AKNA: variants seen among roughly 807,000 people sequenced by gnomAD.
The protein encoded by AKNA is microtubule organization protein AKNA.
Under a neutral mutation model 138.8 loss-of-function variants are expected in AKNA, and 67 were observed. That is an observed-to-expected ratio of 0.48 (90% confidence interval 0.40 to 0.59). The LOEUF (loss-of-function observed/expected upper bound fraction) is 0.59. Ranked by LOEUF, AKNA falls within the 20% of genes least tolerant of loss-of-function variation. The probability of loss-of-function intolerance (pLI) is 0.00; values close to 1 mark genes in which losing one functional copy is unlikely to be tolerated. For synonymous variants in AKNA, 737 were observed against 754.4 expected, an observed-to-expected ratio of 0.98 and a Z score of 0.38; for missense variants, 1,813 against 1,880.4, an observed-to-expected ratio of 0.96 and a Z score of 0.66.
intron 2 of AKNA, among the ~76,000 whole-genome samples, chr9:114,378,417 T>C (rs922892319): frequency 3.9e-5 from 6 of 152,216 alleles, no homozygotes; most frequent in African/African-American, 1.4e-4. Context: ...CATTTATTTG[T>C]GCAGTTGTTT....
chr9:114,379,175 G>A (rs1589024739), intron 2 of AKNA, among the ~76,000 whole-genome samples: 1 of 152,210 alleles, frequency 6.6e-6, no homozygotes, highest in East Asian at 1.9e-4. Context: ...CCTGGGCTTT[G>A]GAGCTAGGGA....
At chr9:114,353,421 G>A (rs1702538465) in intron 14 of AKNA, among the ~76,000 whole-genome samples, 1 of 152,068 alleles carries the variant, frequency 6.6e-6, no homozygotes, top group South Asian at 2.1e-4. Context: ...CAGCCACCAC[G>A]TCTGGCTAAT....
chr9:114,378,830 T>C (rs1041364981), intron 2 of AKNA, among the ~76,000 whole-genome samples: 2 of 152,220 alleles, frequency 1.3e-5, no homozygotes, highest in Admixed American at 1.3e-4. Flanking sequence ...CACTCTGCTC[T>C]AGACCCCGTG....
chr9:114,376,339 G>T, intron 3 of AKNA, 127 bp downstream of exon 3: 1 of 506,790 alleles, frequency 2.0e-6, no homozygotes, highest in Non-Finnish European at 3.2e-6. Context: ...TCCCACCCCA[G>T]CCAGGCTCTA....
At chr9:114,344,002 C>T (rs1227016359) in intron 18 of AKNA, 199 bp from the exon 19 acceptor site, 4 of 533,918 alleles carry the variant, frequency 7.5e-6, no homozygotes. Flanking sequence ...CACATACACA[C>T]ATATACGTCA....
At chr9:114,357,027 C>A (rs528072270) in intron 12 of AKNA, 58 bp from the exon 13 acceptor site, 1 of 1,481,738 alleles carries the variant, frequency 6.7e-7, no homozygotes, top group African/African-American at 1.5e-5. Flanking sequence ...CACTGGGAAG[C>A]CCTTCCCAAA....
downstream of AKNA, chr9:114,331,840 A>C: frequency 6.2e-7 from 1 of 1,613,730 alleles, no homozygotes; most frequent in Non-Finnish European, 8.5e-7. Flanking sequence ...CAAGCCAGAG[A>C]CGACCAAGGA....
intron 11 of AKNA, chr9:114,358,387 A>G: frequency 1.8e-6 from 1 of 564,438 alleles, no homozygotes; most frequent in Non-Finnish European, 3.0e-6. Context: ...GGATGCCAAC[A>G]AAACCCACCC....
At position 114,358,073 on chromosome 9, in the gene AKNA, C is replaced by T. The variant is rs1260727546; in HGVS notation, c.2587G>A (p.Ala863Thr). ...GGCACGCCAGGGCCTGGAGGGGCTG[C>T]CTCAGCCTTGCCCAGGCCTGACATG... ...GHMSGLGKAE[A>T]APPGPGVPPH... The change falls in exon 12 of 22, where the codon GCA becomes ACA. Residue 863 changes from alanine to threonine, a missense_variant. Physicochemically the swap from Ala to Thr is moderately conservative, Grantham distance 58. Coordinates refer to ENST00000374088, the MANE Select transcript of AKNA (RefSeq NM_001317950.2). 1.2e-6 allele frequency: 2 copies of T among 1,613,824 alleles called. No homozygotes were observed. Among genetic ancestry groups the T allele is most frequent in the Non-Finnish European group, 1.7e-6 (2 of 1,179,766 alleles).
intron 21 of AKNA, among the ~76,000 whole-genome samples, chr9:114,340,223 C>T (rs995136361): frequency 6.6e-6 from 1 of 152,212 alleles, no homozygotes; most frequent in South Asian, 2.1e-4. Flanking sequence ...CACAGTGACG[C>T]AGGCCCTCAC....
At chr9:114,360,585 C>T (rs1831875763) in intron 9 of AKNA, among the ~76,000 whole-genome samples, 1 of 152,142 alleles carries the variant, frequency 6.6e-6, no homozygotes, top group South Asian at 2.1e-4. Context: ...TTTTCCTACC[C>T]TCTAGGCCAG....
At chr9:114,353,309 G>A (rs1831262791) in intron 14 of AKNA, among the ~76,000 whole-genome samples, 2 of 151,252 alleles carry the variant, frequency 1.3e-5, no homozygotes, top group South Asian at 4.2e-4. Flanking sequence ...CTTTCGCCCA[G>A]GCTGAAGTGA....
At chr9:114,392,753 G>A (rs928259062), upstream of AKNA, among the ~76,000 whole-genome samples, 3 of 152,194 alleles carry the variant, frequency 2.0e-5, no homozygotes, top group African/African-American at 7.2e-5. Flanking sequence ...CACAAAAAGG[G>A]AGAAGCAGTT....
At position 114,356,146 on chromosome 9, in the gene AKNA, C is replaced by T. The variant is rs970467192; in HGVS notation, c.2847-10G>A. ...TAATGTTCCTGCTGTGCTGGGGGACCGTGGAGGAAGGGACACACAGGGGTC... is the reference window on the plus strand; with the variant it reads ...TAATGTTCCTGCTGTGCTGGGGGACTGTGGAGGAAGGGACACACAGGGGTC... On this transcript the variant is annotated splice_polypyrimidine_tract_variant and intron_variant, in intron 13 of 21. Transcript: ENST00000374088. 9 of 1,608,376 alleles carry T rather than the reference C, an allele frequency of 5.6e-6. No homozygotes were observed. The highest frequency in any genetic ancestry group is 1.8e-4 in the Middle Eastern group (1 of 5,478).
At chr9:114,362,008 C>G in intron 8 of AKNA, 97 bp from the exon 9 acceptor site, 1 of 1,240,468 alleles carries the variant, frequency 8.1e-7, no homozygotes. Flanking sequence ...CAGGGGATGC[C>G]CCCTTAGGGT....
At chr9:114,364,680 C>T in intron 6 of AKNA, 61 bp from the exon 7 acceptor site, 4 of 1,541,898 alleles carry the variant, frequency 2.6e-6, no homozygotes, top group Non-Finnish European at 3.6e-6. Context: ...ACTCCCACAC[C>T]CAGCCACATC....
At chr9:114,381,619 A>G (rs1414748768) in intron 1 of AKNA, among the ~76,000 whole-genome samples, 173 bp from the exon 2 acceptor site, 1 of 150,294 alleles carries the variant, frequency 6.7e-6, no homozygotes, top group African/African-American at 2.5e-5. Context: ...TTCTTCATCA[A>G]TAAAGCTGGG....
chr9:114,331,530 C>A, downstream of AKNA: 1 of 1,538,416 alleles, frequency 6.5e-7, no homozygotes, highest in Non-Finnish European at 9.0e-7. Flanking sequence ...ATTGTGCCAT[C>A]CCATGTTCTC....
At chr9:114,347,216 T>TTAA (rs1830746078) in intron 16 of AKNA, among the ~76,000 whole-genome samples, 1 of 151,184 alleles carries the variant, frequency 6.6e-6, no homozygotes, top group Non-Finnish European at 1.5e-5. Context: ...GTATTATTCT[T>TTAA]TATTATTATT....
Sources: gnomAD v4.1 joint callset for allele counts (sites outside exome capture counted in the v4.1 genomes callset) on GRCh38, gnomAD v4.1.1 for gene constraint, MANE v1.5 for transcripts, NCBI Gene and HGNC (gene_info 2026-07-23, HGNC 2026-07-21) for gene names.